IL2RA: variants seen among roughly 807,000 people sequenced by gnomAD.
IL2RA encodes interleukin 2 receptor subunit alpha, also known as interleukin-2 receptor subunit alpha.
IL2RA carries 24 observed loss-of-function variants against 37.8 expected under a neutral mutation model. That is an observed-to-expected ratio of 0.63 (90% CI 0.46 to 0.89). The LOEUF is 0.89. IL2RA is among the 40% of genes least tolerant of loss of function. IL2RA has a pLI of 0.00. For missense variants in IL2RA, 319 were observed against 348.6 expected, an observed-to-expected ratio of 0.92 and a Z score of 0.68; for synonymous variants, 125 against 114.6, an observed-to-expected ratio of 1.09 and a Z score of -0.58.
rs1588327616 is a variant in IL2RA at position 6,058,211 on chromosome 10, A to G, written c.64+3877T>C. Among the ~76,000 whole-genome samples the G allele has an allele frequency of 6.6e-6, 1 of 152,194 alleles. No homozygotes were observed. Among genetic ancestry groups the G allele is most frequent in the African/African-American group, 2.4e-5 (1 of 41,450 alleles). ...AAAACCAGTCTGGGAATACTTCTCT[A>G]TCAGGGGAGTGGGGTGGAGTAGTGG... On this transcript the variant is annotated intron_variant, in intron 1 of 7. Transcript: ENST00000379959. This position sits in a 1 kb window ranked among gnomAD's most constrained non-coding sequence, Gnocchi z 4.2.
intron 1 of IL2RA, among the ~76,000 whole-genome samples, chr10:6,060,520 G>A (rs1419558266): frequency 6.6e-6 from 1 of 152,188 alleles, no homozygotes; most frequent in Non-Finnish European, 1.5e-5. Flanking sequence ...ACTTTGGGAG[G>A]CCATGGCTGG....
chr10:6,051,817 C>CTGTATATATATATATATATATA (rs1554831667), intron 1 of IL2RA, among the ~76,000 whole-genome samples: 2 of 33,664 alleles, frequency 5.9e-5, no homozygotes, highest in African/African-American at 1.8e-4. Flanking sequence ...TCATGCCCAG[C>CTGTATATATATATATATATATA]TATATATATA....
At chr10:6,024,724 G>A (rs554684610) in intron 2 of IL2RA, among the ~76,000 whole-genome samples, 1 of 152,226 alleles carries the variant, frequency 6.6e-6, no homozygotes, top group African/African-American at 2.4e-5. Context: ...AATTGTCTCT[G>A]TGTTGTTTGA....
chr10:6,025,650 T>C lies in IL2RA; in HGVS notation c.256+184A>G, dbSNP rs937674447. Among the ~76,000 whole-genome samples the C allele has an allele frequency of 8.6e-5, 13 of 150,504 alleles. No homozygotes were observed. Among genetic ancestry groups the C allele is most frequent in the African/African-American group, 2.4e-4 (10 of 40,874 alleles). The stretch of plus-strand genomic sequence containing the variant: ...TCCAGCCTAGGCAACAGAGTGAGAG[T>C]CTGTCTCCAAAAAAAAAAAAAATTG... On this transcript the variant is annotated intron_variant, in intron 2 of 7. Coordinates refer to ENST00000379959, the MANE Select transcript of IL2RA (RefSeq NM_000417.3). This position sits in a 1 kb window ranked among gnomAD's most constrained non-coding sequence, Gnocchi z 4.4.
Position 6,015,911 on chromosome 10 carries a change from C to T in IL2RA, c.794+2142G>A, listed in dbSNP as rs1164595893. On this transcript the variant is annotated intron_variant, in intron 7 of 7. Coordinates refer to ENST00000379959, the MANE Select transcript of IL2RA (RefSeq NM_000417.3). This position sits in a 1 kb window ranked among gnomAD's most constrained non-coding sequence, Gnocchi z 4.9. ...AATAGGCAAATCCATAGAGACGGAA[C>T]ATAGAGTGGTGGTTTCCCGGGGCTG... is the stretch of plus-strand genomic sequence containing the variant. 4.6e-5 allele frequency among the ~76,000 whole-genome samples: 7 copies of T among 152,062 alleles called. No homozygotes were observed. The highest frequency in any genetic ancestry group is 1.7e-4 in the African/African-American group (7 of 41,380).
Position 6,021,535 on chromosome 10 carries a change from T to C in IL2RA, c.526A>G (p.Arg176Gly). The C allele has an allele frequency of 1.2e-6, 2 of 1,614,150 alleles. No individual in the cohort carries two copies. Among genetic ancestry groups the C allele is most frequent in the Non-Finnish European group, 1.7e-6 (2 of 1,180,026 alleles). Residue 176 changes from arginine (R) to glycine (G), a missense_variant, in exon 4 of 8, where the codon AGG becomes GGG. Coordinates refer to ENST00000379959, the MANE Select transcript of IL2RA (RefSeq NM_000417.3). The surrounding 1 kb of genome is among the most constrained non-coding windows in gnomAD (Gnocchi z 4.9). ...SVCKMTHGKT[R>G]WTQPQLICTG... Reference sequence around the variant, plus strand: ...CATATGAGCTGGGGCTGGGTCCACCTTGTCTTCCCGTGGGTCATTTTGCAG... The same window carrying C: ...CATATGAGCTGGGGCTGGGTCCACCCTGTCTTCCCGTGGGTCATTTTGCAG...
rs1379686914 is a variant in IL2RA at position 6,047,453 on chromosome 10, C to T, written c.64+14635G>A. On this transcript the variant is annotated intron_variant, in intron 1 of 7. Transcript: ENST00000379959. This position sits in a 1 kb window ranked among gnomAD's most constrained non-coding sequence, Gnocchi z 5.0. The stretch of plus-strand genomic sequence containing the variant: ...CAAAGCTCTTCCTGCCTGTAGCATG[C>T]ACCCTGTGCCTCCGGGCCACCAAAA... Among the ~76,000 whole-genome samples, 3 of 152,336 alleles carry T rather than the reference C, an allele frequency of 2.0e-5. No individual in the cohort carries two copies. Among genetic ancestry groups the T allele is most frequent in the Middle Eastern group, 3.4e-3 (1 of 294 alleles).
In IL2RA at chr10:6,031,467, T is replaced by TAC. The variant is rs1839579042; in HGVS notation, c.65-5443_65-5442insGT. Among the ~76,000 whole-genome samples, 5 of 12,622 alleles carry TAC rather than the reference T, an allele frequency of 4.0e-4. 1 individual carries two copies. The highest frequency in any genetic ancestry group is 2.1e-3 in the African/African-American group (5 of 2,350). The allele number at this position is 12,622 out of a possible 152,430, so 8.3% of individuals were successfully genotyped here. ...GTATATATATATACATATATATATA[T>TAC]ATATATATATATATATATATATATA... On this transcript the variant is annotated intron_variant, in intron 1 of 7. Coordinates refer to ENST00000379959, the MANE Select transcript of IL2RA (RefSeq NM_000417.3).
chr10:6,060,111 G>C (rs1288325729), intron 1 of IL2RA, among the ~76,000 whole-genome samples: 1 of 152,112 alleles, frequency 6.6e-6, no homozygotes, highest in African/African-American at 2.4e-5. Context: ...GTCTTCCAGA[G>C]GCAGAGCATG....
At chr10:6,013,643 C>T (rs1039118412) in intron 7 of IL2RA, among the ~76,000 whole-genome samples, 11 of 152,110 alleles carry the variant, frequency 7.2e-5, no homozygotes, top group Admixed American at 5.2e-4. Context: ...ACTGATCACG[C>T]GGTTGGGAAG....
chr10:6,043,812 T>C (rs1005085688), intron 1 of IL2RA, among the ~76,000 whole-genome samples: 42 of 152,236 alleles, frequency 2.8e-4, no homozygotes, highest in Admixed American at 1.3e-3. Flanking sequence ...TGAATCCTGA[T>C]GATGGGCACA....
At chr10:6,043,345 G>A (rs1483891808) in intron 1 of IL2RA, among the ~76,000 whole-genome samples, 1 of 152,206 alleles carries the variant, frequency 6.6e-6, no homozygotes, top group South Asian at 2.1e-4. Flanking sequence ...CCAGATTCAA[G>A]AGAGCAATTA....
chr10:6,038,671 C>A (rs191644608), intron 1 of IL2RA, among the ~76,000 whole-genome samples: 1 of 152,108 alleles, frequency 6.6e-6, no homozygotes, highest in African/African-American at 2.4e-5. Flanking sequence ...AACATAAATG[C>A]GCACAAAGAA....
chr10:6,051,647 G>A (rs941881313), intron 1 of IL2RA, among the ~76,000 whole-genome samples: 3 of 146,446 alleles, frequency 2.0e-5, no homozygotes, highest in Non-Finnish European at 3.0e-5. Context: ...GCCTCCCTGA[G>A]TAGCTGGGAT....
At position 6,058,613 on chromosome 10, in the gene IL2RA, T is replaced by C; in HGVS notation, c.64+3475A>G. Among the ~76,000 whole-genome samples, 1 of 152,248 alleles carries C rather than the reference T, an allele frequency of 6.6e-6. No homozygotes were observed. The highest frequency in any genetic ancestry group is 1.9e-4 in the East Asian group (1 of 5,204). On this transcript the variant is annotated intron_variant, in intron 1 of 7. Coordinates refer to ENST00000379959, the MANE Select transcript of IL2RA (RefSeq NM_000417.3). The surrounding 1 kb of genome is among the most constrained non-coding windows in gnomAD (Gnocchi z 4.2). ...AGATGGGAAATTCCATTGTGGGCAG[T>C]TGTCTTTACAAGAATGGATAATTAC...
intron 6 of IL2RA, among the ~76,000 whole-genome samples, 200 bp downstream of exon 6, chr10:6,019,228 C>G (rs1839335336): frequency 6.6e-6 from 1 of 152,184 alleles, no homozygotes. Context: ...ACCTGCCAAC[C>G]AAGCAACCAA....
At chr10:6,050,340 T>TA (rs1301641051) in intron 1 of IL2RA, among the ~76,000 whole-genome samples, 2 of 152,070 alleles carry the variant, frequency 1.3e-5, no homozygotes, top group Non-Finnish European at 2.9e-5. Context: ...TCCTCATCCG[T>TA]AAAATGGGAA....
At chr10:6,051,209 T>C (rs778315434) in intron 1 of IL2RA, among the ~76,000 whole-genome samples, 2 of 152,132 alleles carry the variant, frequency 1.3e-5, no homozygotes, top group Non-Finnish European at 2.9e-5. Flanking sequence ...CTCAGCTGGG[T>C]TGCAGGCTCT....
chr10:6,032,508 C>T (rs777877131), intron 1 of IL2RA, among the ~76,000 whole-genome samples: 47 of 151,816 alleles, frequency 3.1e-4, no homozygotes, highest in African/African-American at 8.7e-4. Context: ...CTGGCTAACA[C>T]GGTGAAACCC....
Sources: gnomAD v4.1 joint callset for allele counts (sites outside exome capture counted in the v4.1 genomes callset) on GRCh38, gnomAD v4.1.1 for gene constraint, Gnocchi (gnomAD v3.1) non-coding constraint, MANE v1.5 for transcripts, NCBI Gene and HGNC (gene_info 2026-07-23, HGNC 2026-07-21) for gene names.